The following ACACB variants were observed in gnomAD, a reference collection of about 807,000 sequenced individuals.
ACACB encodes the protein acetyl-CoA carboxylase beta.
Under a neutral mutation model 278.8 loss-of-function variants are expected in ACACB, and 209 were observed. That is an observed-to-expected ratio of 0.75 (90% confidence interval 0.67 to 0.84). The LOEUF (loss-of-function observed/expected upper bound fraction) is 0.84, where lower values mean the gene tolerates loss of function less well. Among genes scored for constraint, ACACB ranks in the 40% least tolerant of loss-of-function variants. ACACB has a pLI of 0.00. For synonymous variants in ACACB, 1,174 were observed against 1,285.6 expected (o/e 0.91, Z 1.86); for missense variants, 2,850 against 3,269.0 (o/e 0.87, Z 3.13).
intron 11 of ACACB, among the ~76,000 whole-genome samples, chr12:109,182,331 T>C (rs543869346): frequency 3.3e-5 from 5 of 152,296 alleles, no homozygotes; most frequent in South Asian, 4.2e-4. Context: ...CTGTTTTTAA[T>C]TGGATTCATG....
At chr12:109,125,097 GTTGA>G (rs2042646011) in intron 1 of ACACB, among the ~76,000 whole-genome samples, 1 of 152,184 alleles carries the variant, frequency 6.6e-6, no homozygotes, top group Non-Finnish European at 1.5e-5. Context: ...AGAGTACATG[GTTGA>G]TTATGTCCTT....
intron 17 of ACACB, among the ~76,000 whole-genome samples, chr12:109,197,665 G>C (rs1173034965): frequency 6.6e-6 from 1 of 152,088 alleles, no homozygotes; most frequent in Non-Finnish European, 1.5e-5. Flanking sequence ...AGATGCCCTG[G>C]AAGCTCTTAG....
intron 1 of ACACB, among the ~76,000 whole-genome samples, chr12:109,132,074 G>T (rs1182245430): frequency 6.6e-6 from 1 of 152,168 alleles, no homozygotes; most frequent in Admixed American, 6.5e-5. Context: ...AGTGGAAAAG[G>T]TATGAGCAAG....
chr12:109,197,040 C>T lies in ACACB; in HGVS notation c.2514C>T (p.Leu838=). 6.3e-7 allele frequency: 1 copy of T among 1,587,648 alleles called. No individual in the cohort carries two copies. Among genetic ancestry groups the T allele is most frequent in the Non-Finnish European group, 8.6e-7 (1 of 1,169,550 alleles). ...GGCAGTCTCTGACCATGTTCGTTCTCATCATGAATGGCTGCCACATCGAGA... is the reference window on the plus strand; with the variant it reads ...GGCAGTCTCTGACCATGTTCGTTCTTATCATGAATGGCTGCCACATCGAGA... ...VARQSLTMFV[L]IMNGCHIEID... The change falls in exon 17 of 53, where the codon CTC becomes CTT. Residue 838 remains leucine, a synonymous_variant. Transcript: ENST00000338432.
chr12:109,257,230 C>T (rs536782837), intron 45 of ACACB, among the ~76,000 whole-genome samples: 5 of 151,938 alleles, frequency 3.3e-5, no homozygotes, highest in East Asian at 1.9e-4. Context: ...GCCGAGATTG[C>T]GCCATTGCAC....
At chr12:109,124,364 T>G (rs1398026056) in intron 1 of ACACB, among the ~76,000 whole-genome samples, 1 of 152,240 alleles carries the variant, frequency 6.6e-6, no homozygotes, top group Non-Finnish European at 1.5e-5. Flanking sequence ...TCATCTAACA[T>G]GTTCTTCTAT....
In ACACB at chr12:109,241,061, G is replaced by A. The variant is rs754013012; in HGVS notation, c.4819-17G>A. 26 of 1,610,430 alleles carry A rather than the reference G, an allele frequency of 1.6e-5. No homozygotes were observed. The highest frequency in any genetic ancestry group is 2.0e-5 in the Non-Finnish European group (23 of 1,177,116). On this transcript the variant is annotated splice_polypyrimidine_tract_variant and intron_variant, in intron 35 of 52. Transcript: ENST00000338432. ...ATGTCTTGGCCCTGAAACTGGAATTGCTGTGTTTTGGGGCAGATCGAGGAG... is the reference window on the plus strand; with the variant it reads ...ATGTCTTGGCCCTGAAACTGGAATTACTGTGTTTTGGGGCAGATCGAGGAG...
rs1019749237 is a variant in ACACB at position 109,250,042 on chromosome 12, G to T, written c.5728G>T (p.Gly1910Cys). ...TGGCTTGGGCGTGGAGAATCTGAGG[G>T]GCTCAGGCATGATTGCTGGGGAGTC... ...DDGLGVENLRGSGMIAGESSL... is the reference protein window; with the variant it reads ...DDGLGVENLRCSGMIAGESSL... The change falls in exon 41 of 53, where the codon GGC (glycine) becomes TGC (cysteine). Residue 1910 changes from glycine to cysteine, a missense_variant. Coordinates refer to ENST00000338432, the MANE Select transcript of ACACB (RefSeq NM_001093.4). 4 of 1,613,576 alleles carry T rather than the reference G, an allele frequency of 2.5e-6. No homozygotes were observed. The highest frequency in any genetic ancestry group is 3.3e-5 in the Admixed American group (2 of 59,946).
intron 7 of ACACB, among the ~76,000 whole-genome samples, chr12:109,175,228 T>C (rs994331235): frequency 1.4e-4 from 21 of 152,158 alleles, no homozygotes; most frequent in Admixed American, 6.6e-5. Context: ...ATTTGTTTTT[T>C]TTTCCCCCCC....
chr12:109,224,814 A>C (rs2136534237), intron 27 of ACACB, among the ~76,000 whole-genome samples: 1 of 152,252 alleles, frequency 6.6e-6, no homozygotes, highest in Middle Eastern at 3.4e-3. Context: ...GCCCTTTTAG[A>C]ATCTTTTTAA....
At position 109,150,676 on chromosome 12, in the gene ACACB, G is replaced by A. The variant is rs936668074; in HGVS notation, c.653+10618G>A. 2.6e-5 allele frequency among the ~76,000 whole-genome samples: 4 copies of A among 152,248 alleles called. No individual in the cohort carries two copies. In the East Asian group the frequency reaches 5.8e-4, roughly 22 times the overall value. On this transcript the variant is annotated intron_variant, in intron 2 of 52. Coordinates refer to ENST00000338432, the MANE Select transcript of ACACB (RefSeq NM_001093.4). Reference sequence around the variant, plus strand: ...GAGCTGACACCAGGGACCTGGCATCGCCCCCACTTTCCCAGATAGCAGACT... The same window carrying A: ...GAGCTGACACCAGGGACCTGGCATCACCCCCACTTTCCCAGATAGCAGACT...
intron 10 of ACACB, 176 bp downstream of exon 10, chr12:109,179,473 T>C (rs1354665610): frequency 1.5e-6 from 1 of 665,450 alleles, no homozygotes; most frequent in African/African-American, 1.8e-5. Flanking sequence ...TTAGCCGGTC[T>C]GTGAACTCCC....
chr12:109,190,478 CG>C (rs2044830881), intron 13 of ACACB, among the ~76,000 whole-genome samples: 1 of 152,200 alleles, frequency 6.6e-6, no homozygotes, highest in African/African-American at 2.4e-5. Flanking sequence ...GCCCCTGAGC[CG>C]GGTGACAGTG....
intron 35 of ACACB, among the ~76,000 whole-genome samples, chr12:109,240,636 A>G (rs2046769816): frequency 6.7e-6 from 1 of 149,334 alleles, no homozygotes; most frequent in Admixed American, 6.7e-5. Flanking sequence ...TAATTAATAC[A>G]ATAGTATTAT....
chr12:109,182,876 G>A (rs1254892078), intron 11 of ACACB, among the ~76,000 whole-genome samples: 1 of 152,120 alleles, frequency 6.6e-6, no homozygotes, highest in East Asian at 1.9e-4. Context: ...TTTTTGCCCA[G>A]ACTGATGTTC....
intron 13 of ACACB, among the ~76,000 whole-genome samples, chr12:109,189,033 T>C (rs1194450771): frequency 6.6e-6 from 1 of 152,324 alleles, no homozygotes; most frequent in East Asian, 1.9e-4. Flanking sequence ...ATACTTGTGA[T>C]AGTTTCTGCA....
chr12:109,171,915 G>A lies in ACACB; in HGVS notation c.1035+1G>A. 1 of 1,612,824 alleles carries A rather than the reference G, an allele frequency of 6.2e-7. No homozygotes were observed. The highest frequency in any genetic ancestry group is 8.5e-7 in the Non-Finnish European group (1 of 1,178,828). On this transcript the variant is annotated splice_donor_variant, in intron 5 of 52. Coordinates refer to ENST00000338432, the MANE Select transcript of ACACB (RefSeq NM_001093.4). LOFTEE classifies it high-confidence loss of function. ...CATTGCCAAGAGAATCCCCGTGCAG[G>A]TAGATGGACTGGGGTGCCCAAGTGT... is the stretch of plus-strand genomic sequence containing the variant.
At chr12:109,174,282 A>C (rs1187109588) in intron 7 of ACACB, 52 bp downstream of exon 7, 1 of 1,412,374 alleles carries the variant, frequency 7.1e-7, no homozygotes, top group East Asian at 2.4e-5. Flanking sequence ...CAGTCTTGAT[A>C]ATGTGAACGG....
intron 2 of ACACB, among the ~76,000 whole-genome samples, chr12:109,165,753 T>C (rs1593444763): frequency 6.6e-6 from 1 of 152,076 alleles, no homozygotes; most frequent in Non-Finnish European, 1.5e-5. Context: ...GACCAGCTGG[T>C]GGAGGGGAGC....
Sources: gnomAD v4.1 joint callset for allele counts (sites outside exome capture counted in the v4.1 genomes callset) on GRCh38, gnomAD v4.1.1 for gene constraint, MANE v1.5 for transcripts, NCBI Gene and HGNC (gene_info 2026-07-23, HGNC 2026-07-21) for gene names.